CALN1: variants seen among roughly 807,000 people sequenced by gnomAD.
The protein encoded by CALN1 is calcium-binding protein 8.
In CALN1, 17 loss-of-function variants were observed where a neutral mutation model predicts 30.6. The ratio of observed to expected loss-of-function variants is 0.56; its 90% CI spans 0.38 to 0.83. The LOEUF is 0.83. Among genes scored for constraint, CALN1 ranks in the 40% least tolerant of loss-of-function variants. The pLI is 0.00. For missense variants in CALN1, 291 were observed against 354.9 expected (o/e 0.82, Z 1.45); for synonymous variants, 156 against 131.4 (o/e 1.19, Z -1.28).
intron 5 of CALN1, among the ~76,000 whole-genome samples, chr7:71,909,537 T>C (rs1794316762): frequency 1.3e-5 from 2 of 152,200 alleles, no homozygotes; most frequent in South Asian, 4.1e-4. Flanking sequence ...TAGATTGTTA[T>C]TATCCAATAA....
chr7:72,314,035 C>CTG (rs1430170518), intron 2 of CALN1, among the ~76,000 whole-genome samples: 2 of 152,174 alleles, frequency 1.3e-5, no homozygotes, highest in Non-Finnish European at 2.9e-5. Flanking sequence ...GCCCCTATGC[C>CTG]TGTGTTCCTG....
At chr7:71,836,624 T>C (rs898870783) in intron 5 of CALN1, among the ~76,000 whole-genome samples, 22 of 147,800 alleles carry the variant, frequency 1.5e-4, no homozygotes, top group African/African-American at 3.0e-4. Context: ...CTCTGTCTCT[T>C]TTTTTTTTTT....
chr7:71,931,593 C>T (rs528378938), intron 5 of CALN1, among the ~76,000 whole-genome samples: 3 of 152,266 alleles, frequency 2.0e-5, no homozygotes, highest in Non-Finnish European at 2.9e-5. Flanking sequence ...TTGGGCCCTA[C>T]GAAAACAGGT....
intron 2 of CALN1, among the ~76,000 whole-genome samples, chr7:72,315,840 T>G (rs1800404390): frequency 6.6e-6 from 1 of 152,172 alleles, no homozygotes; most frequent in Non-Finnish European, 1.5e-5. Context: ...ATTGTGGACC[T>G]GATAATTCCT....
intron 5 of CALN1, among the ~76,000 whole-genome samples, chr7:71,969,690 G>C (rs561304343): frequency 6.6e-6 from 1 of 152,206 alleles, no homozygotes; most frequent in Admixed American, 6.5e-5. Flanking sequence ...TCCCGGAGAA[G>C]AGAAAGAGAG....
At chr7:72,391,338 C>T (rs1047816336) in intron 2 of CALN1, among the ~76,000 whole-genome samples, 1 of 152,086 alleles carries the variant, frequency 6.6e-6, no homozygotes, top group African/African-American at 2.4e-5. Flanking sequence ...CAGAGGTATC[C>T]ACAGGATCCT....
rs1268543272 is a variant in CALN1 at position 72,054,548 on chromosome 7, T to TATACATACATATATATATATAC, written c.389-30780_389-30779insGTATATATATATATGTATGTAT. The stretch of plus-strand genomic sequence containing the variant: ...ATATACATACATATATATATACATA[T>TATACATACATATATATATATAC]ATATATATATATAATGGAATACTAT... On this transcript the variant is annotated intron_variant, in intron 4 of 6. Transcript: ENST00000395275. Among the ~76,000 whole-genome samples the TATACATACATATATATATATAC allele has an allele frequency of 2.8e-4, 38 of 134,228 alleles. 2 individuals are homozygous for TATACATACATATATATATATAC. The highest frequency in any genetic ancestry group is 1.0e-3 in the African/African-American group (36 of 34,976). The allele number at this position is 134,228 out of a possible 152,430, so 88.1% of individuals were successfully genotyped here. A position where few individuals can be genotyped will look rare whatever the true frequency, so the allele number is the denominator to read the frequency against.
At chr7:72,496,945 C>T in the CALN1 span, among the ~76,000 whole-genome samples, 7 of 152,172 alleles carry the variant, frequency 4.6e-5, no homozygotes, top group East Asian at 1.4e-3. Context: ...TTGGAGCTGC[C>T]AGAGAACTGG....
intron 5 of CALN1, among the ~76,000 whole-genome samples, chr7:71,874,778 G>A (rs67473470): frequency 0.22 from 34,020 of 152,036 alleles, 3,983 homozygotes; most frequent in African/African-American, 0.25. Context: ...GGAGGCCAAC[G>A]AGAGAAACGG....
chr7:72,114,435 T>C (rs2129541758), intron 3 of CALN1, among the ~76,000 whole-genome samples: 1 of 151,590 alleles, frequency 6.6e-6, no homozygotes, highest in East Asian at 2.0e-4. Context: ...ACCCTGGTGA[T>C]TGCTTCTAGC....
chr7:72,481,141 C>T, the CALN1 span, among the ~76,000 whole-genome samples: 3 of 152,126 alleles, frequency 2.0e-5, no homozygotes. Context: ...CTGGTAGAGA[C>T]GGGTTTTGCC....
intron 4 of CALN1, among the ~76,000 whole-genome samples, chr7:72,077,054 C>T (rs1391441386): frequency 6.6e-6 from 1 of 151,848 alleles, no homozygotes; most frequent in Non-Finnish European, 1.5e-5. Context: ...TTCTTTGATA[C>T]ACAAATTTCT....
intron 5 of CALN1, among the ~76,000 whole-genome samples, chr7:72,015,422 T>C (rs567094590): frequency 1.8e-4 from 25 of 140,144 alleles, no homozygotes; most frequent in African/African-American, 5.5e-4. Context: ...GGAGTTTGCA[T>C]TTCTTTCTTT....
intron 5 of CALN1, among the ~76,000 whole-genome samples, chr7:71,856,778 A>T (rs1790971830): frequency 6.6e-6 from 1 of 152,024 alleles, no homozygotes; most frequent in South Asian, 2.1e-4. Flanking sequence ...AATGTGGTGA[A>T]ACCCCATCTC....
intron 2 of CALN1, among the ~76,000 whole-genome samples, chr7:72,399,270 C>CTTTTTTTT (rs5884888): frequency 5.6e-5 from 6 of 106,778 alleles, no homozygotes; most frequent in African/African-American, 1.1e-4. Context: ...TAACCTATTG[C>CTTTTTTTT]TTTTTTTTTT....
chr7:71,998,093 G>A (rs1370387835), intron 5 of CALN1, among the ~76,000 whole-genome samples: 2 of 152,018 alleles, frequency 1.3e-5, no homozygotes, highest in Admixed American at 6.6e-5. Context: ...CCAAAGTGCT[G>A]GGATTATAGT....
chr7:72,175,112 C>T (rs1038651586), intron 3 of CALN1, among the ~76,000 whole-genome samples: 8 of 151,318 alleles, frequency 5.3e-5, no homozygotes, highest in Admixed American at 4.6e-4. Flanking sequence ...CTCACTCTGT[C>T]ACCCAGGCTG....
chr7:72,274,572 A>G (rs1293811278), intron 3 of CALN1, among the ~76,000 whole-genome samples: 3 of 152,152 alleles, frequency 2.0e-5, no homozygotes, highest in African/African-American at 7.2e-5. Context: ...CTATTCTTCA[A>G]CAATCATACT....
In CALN1 at chr7:72,173,241, T is replaced by A. The variant is rs1789096757; in HGVS notation, c.245-66947A>T. ...AAAAGAAAAATAAAGTACATATGAA[T>A]AAAACTAATCAAAAGTTATACAAAA... On this transcript the variant is annotated intron_variant, in intron 3 of 6. Transcript: ENST00000395275. Among the ~76,000 whole-genome samples, 3 of 152,070 alleles carry A rather than the reference T, an allele frequency of 2.0e-5. No individual in the cohort carries two copies. In the South Asian group the frequency reaches 6.2e-4, roughly 32 times the overall value.
Sources: allele counts gnomAD v4.1 joint callset (sites outside exome capture counted in the v4.1 genomes callset), GRCh38; gene constraint gnomAD v4.1.1; transcripts MANE v1.5; gene names NCBI Gene and HGNC (gene_info 2026-07-23, HGNC 2026-07-21).